Variants in ZNF862 observed in about 807,000 individuals in gnomAD.
The protein encoded by ZNF862 is zinc finger protein 862.
Under a neutral mutation model 91.1 loss-of-function variants are expected in ZNF862, and 64 were observed. The observed-to-expected ratio is 0.70, with a 90% CI of 0.57 to 0.87. The LOEUF is 0.87. ZNF862 is among the 40% of genes least tolerant of loss of function. The pLI is 0.00. For missense variants in ZNF862, 1,459 were observed against 1,528.0 expected (o/e 0.95, Z 0.75); for synonymous variants, 631 against 618.1 (o/e 1.02, Z -0.31).
intron 6 of ZNF862, chr7:149,859,768 G>A (rs1202754813): frequency 2.1e-6 from 1 of 485,894 alleles, no homozygotes; most frequent in Non-Finnish European, 3.7e-6. Context: ...TGGAGGCTGT[G>A]GCAGAGCTGG....
intron 5 of ZNF862, among the ~76,000 whole-genome samples, chr7:149,853,906 C>T (rs1348487409): frequency 2.0e-5 from 3 of 150,652 alleles, no homozygotes; most frequent in African/African-American, 7.3e-5. Context: ...CCACTGTACT[C>T]CAGCCTGGGC....
In ZNF862 at chr7:149,850,482, A is replaced by C; in HGVS notation, c.1117+144A>C. The C allele has an allele frequency of 5.1e-6, 4 of 784,960 alleles. No homozygotes were observed. The highest frequency in any genetic ancestry group is 3.9e-5 in the South Asian group (2 of 51,366). The allele number at this position is 784,960 out of a possible 1,614,324, so 48.6% of individuals were successfully genotyped here. A position where few individuals can be genotyped will look rare whatever the true frequency, so the allele number is the denominator to read the frequency against. ...CCGATCCTGTCTTTTGCACCTCATA[A>C]CTCCCCTGCTTGGGGTAACTGTGCT... On this transcript the variant is annotated intron_variant, in intron 5 of 7. Coordinates refer to ENST00000223210, the MANE Select transcript of ZNF862 (RefSeq NM_001099220.3). The surrounding 1 kb of genome is among the most constrained non-coding windows in gnomAD (Gnocchi z 4.2).
Position 149,848,021 on chromosome 7 carries a change from A to G in ZNF862, c.528A>G (p.Arg176=), listed in dbSNP as rs767922930. 2 of 1,613,694 alleles carry G rather than the reference A, an allele frequency of 1.2e-6. No homozygotes were observed. The highest frequency in any genetic ancestry group is 4.5e-5 in the East Asian group (2 of 44,900). The change falls in exon 4 of 8, where the codon AGA becomes AGG. Residue 176 remains arginine, a synonymous_variant. Transcript: ENST00000223210. ...CCTCCATCAGGGACAAACGGTCAAG[A>G]CTAATAGAAGGTTATACAGGACCAT... ...EYPSIRDKRS[R]LIEGYTGPFK... is the part of the protein sequence containing the mutation.
At position 149,861,325 on chromosome 7, in the gene ZNF862, T is replaced by A. The variant is rs764359720; in HGVS notation, c.2165T>A (p.Val722Asp). 5 of 1,613,020 alleles carry A rather than the reference T, an allele frequency of 3.1e-6. No homozygotes were observed. In the South Asian group the frequency reaches 4.4e-5, roughly 14 times the overall value. ...FQEVIPQLLP[V>D]HCVAHRLHLA... ...GAGGTCATCCCGCAGCTGCTGCCTGTCCACTGCGTGGCCCACCGGCTGCAC... is the reference window on the plus strand; with the variant it reads ...GAGGTCATCCCGCAGCTGCTGCCTGACCACTGCGTGGCCCACCGGCTGCAC... The change falls in exon 7 of 8, where the codon GTC (valine) becomes GAC (aspartate). Residue 722 changes from valine to aspartate, a missense_variant. Transcript: ENST00000223210. This position sits in a 1 kb window ranked among gnomAD's most constrained non-coding sequence, Gnocchi z 6.7.
chr7:149,854,492 A>G (rs1377862784), intron 5 of ZNF862, among the ~76,000 whole-genome samples: 4 of 152,328 alleles, frequency 2.6e-5, no homozygotes, highest in South Asian at 2.1e-4. Flanking sequence ...TTTGATCATT[A>G]TAACTCTGGT....
chr7:149,841,529 G>A (rs1801704870), intron 1 of ZNF862: 15 of 984,188 alleles, frequency 1.5e-5, no homozygotes, highest in Non-Finnish European at 1.8e-5. Flanking sequence ...GAACAGTGGA[G>A]CAGTTCCTGG....
rs1399460990 is a variant in ZNF862 at position 149,867,382 on chromosome 7, TTC to T, written c.*3103_*3104del. On this transcript the variant is annotated 3_prime_UTR_variant, in exon 8 of 8. Transcript: ENST00000223210. ...AGTAACTGTGACTGGCCCAGGGATGTTCTCTCCTCTATTTTCAAAGATGAAAG... is the reference window on the plus strand; with the variant it reads ...AGTAACTGTGACTGGCCCAGGGATGTTCTCCTCTATTTTCAAAGATGAAAG... 6.6e-6 allele frequency: 1 copy of T among 152,222 alleles called. No homozygotes were observed. Among genetic ancestry groups the T allele is most frequent in the African/African-American group, 2.4e-5 (1 of 41,438 alleles). The allele number at this position is 152,222 out of a possible 1,614,324, so 9.4% of individuals were successfully genotyped here. A position where few individuals can be genotyped will look rare whatever the true frequency, so the allele number is the denominator to read the frequency against.
chr7:149,841,254 C>T (rs1801693469), intron 1 of ZNF862: 8 of 985,406 alleles, frequency 8.1e-6, no homozygotes, highest in Non-Finnish European at 9.6e-6. Context: ...GTGGTTTGGT[C>T]TATTACTAGA....
chr7:149,862,038 G>C lies in ZNF862; in HGVS notation c.2878G>C (p.Glu960Gln), dbSNP rs546595509. The C allele has an allele frequency of 3.1e-6, 5 of 1,613,854 alleles. No homozygotes were observed. The East Asian group carries it at 8.9e-5, about 29-fold the overall frequency. ...CACCATGGCCTGGCCAAGTGGGATT[G>C]AACTTGCCAGTTTTGGGAATGATGA... ...FDTMAWPSGIELASFGNDDIL... is the reference protein window; with the variant it reads ...FDTMAWPSGIQLASFGNDDIL... Residue 960 changes from glutamate (E) to glutamine (Q), a missense_variant, in exon 7 of 8, where the codon GAA (glutamate) becomes CAA (glutamine). Physicochemically the swap from Glu to Gln is conservative, Grantham distance 29 (BLOSUM62 2). Coordinates refer to ENST00000223210, the MANE Select transcript of ZNF862 (RefSeq NM_001099220.3).
At chr7:149,863,811 TACCTATTAGATA>T (rs1395089667) in intron 7 of ZNF862, among the ~76,000 whole-genome samples, 3 of 152,220 alleles carry the variant, frequency 2.0e-5, no homozygotes, top group Admixed American at 2.0e-4. Context: ...CCATGGCCTC[TACCTATTAGATA>T]ACCACTGGAT....
At chr7:149,846,334 C>T in intron 3 of ZNF862, 79 bp downstream of exon 3, 6 of 1,112,586 alleles carry the variant, frequency 5.4e-6, no homozygotes, top group Non-Finnish European at 8.0e-6. Context: ...CAGGCTCATC[C>T]TCTGCCCTTC....
chr7:149,846,142 T>G lies in ZNF862; in HGVS notation c.137-9T>G. On this transcript the variant is annotated splice_polypyrimidine_tract_variant and intron_variant, in intron 2 of 7. Coordinates refer to ENST00000223210, the MANE Select transcript of ZNF862 (RefSeq NM_001099220.3). ...TCTCTCTCGCTCTCTTTTTTTTTTT[T>G]GGACTCAGGACCAACTGTTGCCAAT... The G allele has an allele frequency of 1.2e-6, 2 of 1,600,988 alleles. No homozygotes were observed. The highest frequency in any genetic ancestry group is 8.5e-7 in the Non-Finnish European group (1 of 1,171,552).
chr7:149,859,136 C>A (rs986420345), intron 5 of ZNF862: 1 of 472,784 alleles, frequency 2.1e-6, no homozygotes, highest in African/African-American at 2.0e-5. Flanking sequence ...CTGCCTCTCT[C>A]TCCTGCTTAG....
At chr7:149,863,377 C>T (rs138777402) in intron 7 of ZNF862, among the ~76,000 whole-genome samples, 2,718 of 152,078 alleles carry the variant, frequency 0.018, 76 homozygotes, top group African/African-American at 0.062. Flanking sequence ...GGCCTCCTTC[C>T]GGCTGTTGCT....
rs767971459 is a variant in ZNF862 at position 149,861,329 on chromosome 7, C to T, written c.2169C>T (p.His723=). The T allele has an allele frequency of 8.1e-6, 13 of 1,613,114 alleles. No homozygotes were observed. The East Asian group carries it at 2.5e-4, about 30-fold the overall frequency. ...TCATCCCGCAGCTGCTGCCTGTCCA[C>T]TGCGTGGCCCACCGGCTGCACCTGG... ...QEVIPQLLPV[H]CVAHRLHLAV... The change falls in exon 7 of 8, where the codon CAC becomes CAT. Residue 723 remains histidine (H), a synonymous_variant. Transcript: ENST00000223210. This position sits in a 1 kb window ranked among gnomAD's most constrained non-coding sequence, Gnocchi z 6.7.
rs1265623044 is a variant in ZNF862 at position 149,861,974 on chromosome 7, A to G, written c.2814A>G (p.Ala938=). The G allele has an allele frequency of 2.5e-6, 4 of 1,613,786 alleles. No homozygotes were observed. The highest frequency in any genetic ancestry group is 2.5e-6 in the Non-Finnish European group (3 of 1,179,898). The change falls in exon 7 of 8, where the codon GCA becomes GCG. Residue 938 remains alanine, a synonymous_variant. Coordinates refer to ENST00000223210, the MANE Select transcript of ZNF862 (RefSeq NM_001099220.3). The surrounding 1 kb of genome is among the most constrained non-coding windows in gnomAD (Gnocchi z 6.7). ...AGTACCTCCAGCAGAGGTTTGACGCAGACCGACCCCCACAGCTGAAGAACA... is the reference window on the plus strand; with the variant it reads ...AGTACCTCCAGCAGAGGTTTGACGCGGACCGACCCCCACAGCTGAAGAACA... The part of the protein sequence containing the change: ...GIEYLQQRFD[A]DRPPQLKNME...
At chr7:149,846,953 C>T (rs948977561) in intron 3 of ZNF862, among the ~76,000 whole-genome samples, 2 of 152,226 alleles carry the variant, frequency 1.3e-5, no homozygotes, top group Non-Finnish European at 2.9e-5. Flanking sequence ...CAGCTTCATG[C>T]CCTTACAGTG....
intron 1 of ZNF862, among the ~76,000 whole-genome samples, chr7:149,839,979 C>G (rs2128934859): frequency 6.6e-6 from 1 of 152,154 alleles, no homozygotes; most frequent in African/African-American, 2.4e-5. Context: ...CAGTCAGAGG[C>G]TTTCTTAGCC....
chr7:149,862,538 A>G (rs1304201916), intron 7 of ZNF862, 44 bp downstream of exon 7: 1 of 1,524,630 alleles, frequency 6.6e-7, no homozygotes, highest in East Asian at 2.3e-5. Flanking sequence ...CCTCATGCTG[A>G]GCCAGAGGCC....
Sources: allele counts gnomAD v4.1 joint callset (sites outside exome capture counted in the v4.1 genomes callset), GRCh38; gene constraint gnomAD v4.1.1; non-coding constraint Gnocchi (gnomAD v3.1); transcripts MANE v1.5; gene names NCBI Gene and HGNC (gene_info 2026-07-23, HGNC 2026-07-21).